Variants in TICRR observed in about 807,000 individuals in gnomAD.
TICRR encodes treslin.
Under a neutral mutation model 178.1 loss-of-function variants are expected in TICRR, and 132 were observed. The observed-to-expected ratio is 0.74, with a 90% CI of 0.64 to 0.86. The LOEUF (loss-of-function observed/expected upper bound fraction) is 0.86. Among genes scored for constraint, TICRR ranks in the 40% least tolerant of loss-of-function variants. The pLI, the probability that TICRR is intolerant of heterozygous loss-of-function variation, is 0.00. For synonymous variants in TICRR, 991 were observed against 900.7 expected (o/e 1.10, Z -1.79); for missense variants, 2,587 against 2,334.3 (o/e 1.11, Z -2.23).
intron 13 of TICRR, among the ~76,000 whole-genome samples, chr15:89,604,139 G>C (rs1041455225): frequency 1.3e-5 from 2 of 152,162 alleles, no homozygotes; most frequent in Admixed American, 6.5e-5. Flanking sequence ...TCAACTGCAT[G>C]AACTATCTGA....
intron 17 of TICRR, among the ~76,000 whole-genome samples, chr15:89,619,232 T>TTTA (rs1963384609): frequency 4.1e-5 from 6 of 146,374 alleles, no homozygotes; most frequent in African/African-American, 1.5e-4. Flanking sequence ...TTTTTTTTTT[T>TTTA]TTTTTTTTGG....
intron 15 of TICRR, among the ~76,000 whole-genome samples, chr15:89,615,670 A>G (rs1480005242): frequency 1.3e-5 from 2 of 152,116 alleles, no homozygotes; most frequent in Non-Finnish European, 2.9e-5. Flanking sequence ...CTCACTTTAA[A>G]TCAGTCCTCT....
chr15:89,600,393 C>T (rs1963073757), intron 8 of TICRR, among the ~76,000 whole-genome samples, 192 bp from the exon 9 acceptor site: 1 of 152,168 alleles, frequency 6.6e-6, no homozygotes, highest in African/African-American at 2.4e-5. Flanking sequence ...TCCATGCCCA[C>T]TAGCTCTCAA....
intron 1 of TICRR, among the ~76,000 whole-genome samples, chr15:89,581,749 G>A (rs1962729855): frequency 6.6e-6 from 1 of 152,232 alleles, no homozygotes. Context: ...TCTGGAGGCA[G>A]TGGGAAGCCT....
At position 89,626,956 on chromosome 15, in the gene TICRR, A is replaced by T. The variant is rs1007217433; in HGVS notation, c.5603A>T (p.Asp1868Val). ...GCTAAGCCTTTCTACCTTCTTCTAG[A>T]TGAGGATGTGGATGTTCTTCCCTCC... ...TPSSQSKDPR[D>V]EDVDVLPSTV... The change falls in exon 22 of 22, where the codon GAT (aspartate) becomes GTT (valine). Residue 1868 changes from aspartate (D) to valine (V), a missense_variant and splice_region_variant. Asp to Val is a radical substitution (Grantham distance 152, BLOSUM62 -3). Transcript: ENST00000268138. 1.2e-6 allele frequency: 2 copies of T among 1,613,526 alleles called. No individual in the cohort carries two copies. Among genetic ancestry groups the T allele is most frequent in the African/African-American group, 2.7e-5 (2 of 74,810 alleles).
intron 7 of TICRR, among the ~76,000 whole-genome samples, chr15:89,597,286 G>A (rs147634384): frequency 0.018 from 2,710 of 152,202 alleles, 74 homozygotes; most frequent in African/African-American, 0.058. Flanking sequence ...CACTTTGGGA[G>A]GCTGAGGCGG....
Position 89,625,434 on chromosome 15 carries a change from C to A in TICRR, c.5124C>A (p.Asp1708Glu). ...SSSGRGEVGA[D>E]LPGSLSLLES... is the part of the protein sequence containing the mutation. ...CCGGGAGGGGCGAGGTCGGTGCAGACCTTCCTGGGAGCCTGTCACTGCTTG... is the reference window on the plus strand; with the variant it reads ...CCGGGAGGGGCGAGGTCGGTGCAGAACTTCCTGGGAGCCTGTCACTGCTTG... The change falls in exon 20 of 22, where the codon GAC becomes GAA. Residue 1708 changes from aspartate (D) to glutamate (E), a missense_variant. Asp to Glu is a conservative substitution (Grantham distance 45). Transcript: ENST00000268138. The A allele has an allele frequency of 1.2e-6, 2 of 1,613,930 alleles. No individual in the cohort carries two copies. The highest frequency in any genetic ancestry group is 2.2e-5 in the South Asian group (2 of 91,080).
intron 9 of TICRR, 127 bp downstream of exon 9, chr15:89,600,812 AAGC>A (rs1404007437): frequency 3.9e-6 from 2 of 514,330 alleles, no homozygotes; most frequent in African/African-American, 4.0e-5. Flanking sequence ...TGGGAAGCCA[AAGC>A]AGGAGGATTG....
Position 89,601,295 on chromosome 15 carries a change from A to T in TICRR, c.2154-3A>T. On this transcript the variant is annotated splice_polypyrimidine_tract_variant and splice_region_variant and intron_variant, in intron 9 of 21. Coordinates refer to ENST00000268138, the MANE Select transcript of TICRR (RefSeq NM_152259.4). ...ATATGACCAAGTATTTTTTTCTCTCAAGGTGCCAGCTTCAGGTATTTCTTC... is the reference window on the plus strand; with the variant it reads ...ATATGACCAAGTATTTTTTTCTCTCTAGGTGCCAGCTTCAGGTATTTCTTC... 6.2e-7 allele frequency: 1 copy of T among 1,613,140 alleles called. No individual in the cohort carries two copies. Among genetic ancestry groups the T allele is most frequent in the South Asian group, 1.1e-5 (1 of 90,954 alleles).
At chr15:89,601,423 G>A (rs776516485) in intron 10 of TICRR, 32 bp downstream of exon 10, 11 of 1,611,100 alleles carry the variant, frequency 6.8e-6, no homozygotes, top group Middle Eastern at 1.6e-4. Flanking sequence ...ATTGAAATAC[G>A]CCCTAGATGC....
At chr15:89,595,046 T>C (rs1596044953) in intron 6 of TICRR, among the ~76,000 whole-genome samples, 1 of 152,238 alleles carries the variant, frequency 6.6e-6, no homozygotes, top group African/African-American at 2.4e-5. Flanking sequence ...TTTATGTAGA[T>C]TGCTAAATTG....
In TICRR at chr15:89,625,947, C is replaced by A. The variant is rs779413174; in HGVS notation, c.5488C>A (p.Pro1830Thr). Reference sequence around the variant, plus strand: ...TGGGATCTCTTTAGGCTCCACCCCACCTCCCAGCTGTGCCGTGCGGAGCTG... The same window carrying A: ...TGGGATCTCTTTAGGCTCCACCCCAACTCCCAGCTGTGCCGTGCGGAGCTG... ...EEVFVSGSTP[P>T]PSCAVRSCLS... Residue 1830 changes from proline to threonine, a missense_variant, in exon 21 of 22, where the codon CCT becomes ACT. Physicochemically the swap from Pro to Thr is conservative, Grantham distance 38. Transcript: ENST00000268138. 3 of 1,577,734 alleles carry A rather than the reference C, an allele frequency of 1.9e-6. No homozygotes were observed. In the South Asian group the frequency reaches 3.6e-5, roughly 19 times the overall value.
chr15:89,604,768 C>CAAAAA (rs35046074), intron 13 of TICRR, among the ~76,000 whole-genome samples: 2 of 106,602 alleles, frequency 1.9e-5, no homozygotes, highest in African/African-American at 4.0e-5. Flanking sequence ...GAGACTCTGT[C>CAAAAA]AAAAAAAAAA....
intron 1 of TICRR, among the ~76,000 whole-genome samples, chr15:89,578,338 G>A (rs558053937): frequency 2.0e-5 from 3 of 152,180 alleles, no homozygotes; most frequent in East Asian, 3.9e-4. Context: ...TTTCACATGC[G>A]AAGCCCAAAA....
At position 89,575,539 on chromosome 15, in the gene TICRR, C is replaced by T. The variant is rs1455839117; in HGVS notation, c.-48C>T. The T allele has an allele frequency of 7.0e-7, 1 of 1,436,594 alleles. No individual in the cohort carries two copies. Among genetic ancestry groups the T allele is most frequent in the East Asian group, 2.6e-5 (1 of 38,460 alleles). The allele number at this position is 1,436,594 out of a possible 1,614,324, so 89.0% of individuals were successfully genotyped here. A position where few individuals can be genotyped will look rare whatever the true frequency, so the allele number is the denominator to read the frequency against. On this transcript the variant is annotated 5_prime_UTR_variant, in exon 1 of 22. The change creates a new upstream start codon in the 5' untranslated region. Coordinates refer to ENST00000268138, the MANE Select transcript of TICRR (RefSeq NM_152259.4). Reference sequence around the variant, plus strand: ...TTCCCTGAAGGAAGGGACTAAGGGACGGTGGCGCGGGCCCGGACCGGGGCC... The same window carrying T: ...TTCCCTGAAGGAAGGGACTAAGGGATGGTGGCGCGGGCCCGGACCGGGGCC...
At chr15:89,608,507 A>G (rs553881060) in intron 14 of TICRR, among the ~76,000 whole-genome samples, 43 of 152,340 alleles carry the variant, frequency 2.8e-4, no homozygotes, top group African/African-American at 7.9e-4. Flanking sequence ...TGGAGAATGA[A>G]TAGTCTTTTG....
intron 3 of TICRR, 42 bp downstream of exon 3, chr15:89,584,569 A>C: frequency 6.7e-7 from 1 of 1,501,058 alleles, no homozygotes; most frequent in Middle Eastern, 1.8e-4. Context: ...GTCTAACAAC[A>C]CACTGGTAAA....
chr15:89,589,197 T>C (rs1262670020), intron 4 of TICRR, among the ~76,000 whole-genome samples: 1 of 152,034 alleles, frequency 6.6e-6, no homozygotes, highest in East Asian at 1.9e-4. Flanking sequence ...GTGGGCAGAC[T>C]GGAGTGACCT....
Position 89,582,323 on chromosome 15 carries a change from CAA to C in TICRR, c.655-347_655-346del, listed in dbSNP as rs35892715. On this transcript the variant is annotated intron_variant, in intron 1 of 21. Coordinates refer to ENST00000268138, the MANE Select transcript of TICRR (RefSeq NM_152259.4). Reference sequence around the variant, plus strand: ...TGGGTGACAGATCAAGACTCTGACTCAAAAAAAAAAAAAAAAAGGTTATTTTT... The same window carrying C: ...TGGGTGACAGATCAAGACTCTGACTCAAAAAAAAAAAAAAAGGTTATTTTT... 136 of 113,020 alleles carry C rather than the reference CAA, an allele frequency of 1.2e-3. 1 individual carries two copies. Among genetic ancestry groups the C allele is most frequent in the South Asian group, 3.9e-3 (14 of 3,550 alleles). 7.0% of individuals were successfully genotyped at this position (113,020 alleles called of 1,614,324 possible).
Sources: gnomAD v4.1 joint callset for allele counts (sites outside exome capture counted in the v4.1 genomes callset) on GRCh38, gnomAD v4.1.1 for gene constraint, MANE v1.5 for transcripts, NCBI Gene and HGNC (gene_info 2026-07-23, HGNC 2026-07-21) for gene names.